The following NALF1 variants were observed in gnomAD, a reference collection of about 807,000 sequenced individuals.
The protein encoded by NALF1 is family with sequence similarity 155 member A.
Under a neutral mutation model 48.4 loss-of-function variants are expected in NALF1, and 3 were observed. The observed-to-expected ratio is 0.06, with a 90% CI of 0.03 to 0.16. The LOEUF (loss-of-function observed/expected upper bound fraction) is 0.16, where lower values mean the gene tolerates loss of function less well. Among genes scored for constraint, NALF1 ranks in the 10% least tolerant of loss-of-function variants. The pLI is 1.00. For missense variants in NALF1, 526 were observed against 571.5 expected (o/e 0.92, Z 0.81); for synonymous variants, 262 against 245.7 (o/e 1.07, Z -0.62).
chr13:107,591,559 C>A (rs973126678), intron 1 of NALF1, among the ~76,000 whole-genome samples: 2 of 151,882 alleles, frequency 1.3e-5, no homozygotes, highest in Admixed American at 1.3e-4. Flanking sequence ...GTTGACTTTG[C>A]CTCCAACTGA....
At chr13:107,582,086 T>G (rs764733950) in intron 1 of NALF1, among the ~76,000 whole-genome samples, 1 of 152,116 alleles carries the variant, frequency 6.6e-6, no homozygotes, top group African/African-American at 2.4e-5. Context: ...TCTCTGGATA[T>G]GAAACACATT....
intron 1 of NALF1, among the ~76,000 whole-genome samples, chr13:107,643,724 G>C (rs1283280500): frequency 6.6e-6 from 1 of 152,076 alleles, no homozygotes; most frequent in Non-Finnish European, 1.5e-5. Flanking sequence ...TTTCAATTTT[G>C]AAAGTGGAGA....
chr13:107,556,661 G>A lies in NALF1; in HGVS notation c.915+309021C>T, dbSNP rs566514157. On this transcript the variant is annotated intron_variant, in intron 1 of 2. Transcript: ENST00000375915. ...CATGCACTGCCCTGCCCAGCTTTTTGTATTTATTAGAGACGGGGTTCACCA... is the reference window on the plus strand; with the variant it reads ...CATGCACTGCCCTGCCCAGCTTTTTATATTTATTAGAGACGGGGTTCACCA... Among the ~76,000 whole-genome samples the A allele has an allele frequency of 1.4e-3, 125 of 89,606 alleles. 1 individual carries two copies. The highest frequency in any genetic ancestry group is 4.3e-3 in the African/African-American group (122 of 28,254). The allele number at this position is 89,606 out of a possible 152,430, so 58.8% of individuals were successfully genotyped here.
intron 1 of NALF1, among the ~76,000 whole-genome samples, chr13:107,214,214 G>A (rs987538040): frequency 1.3e-5 from 2 of 152,206 alleles, no homozygotes; most frequent in African/African-American, 4.8e-5. Context: ...TTTGCAGGAA[G>A]GGGTTGAAAA....
chr13:107,329,192 A>G (rs1377098938), intron 1 of NALF1, among the ~76,000 whole-genome samples: 1 of 152,240 alleles, frequency 6.6e-6, no homozygotes, highest in Non-Finnish European at 1.5e-5. Flanking sequence ...TAAACATAAA[A>G]TTTTTAGGAA....
intron 1 of NALF1, among the ~76,000 whole-genome samples, chr13:107,231,231 A>T (rs1203859313): frequency 1.3e-5 from 2 of 152,194 alleles, no homozygotes; most frequent in Non-Finnish European, 2.9e-5. Flanking sequence ...TGGAGTAAAG[A>T]TGGGAATAGA....
rs1883531545 is a variant in NALF1, at chr13:107,386,406, A to C, written c.916-175651T>G. Among the ~76,000 whole-genome samples the C allele has an allele frequency of 1.3e-5, 2 of 152,140 alleles. 1 individual carries two copies. The highest frequency in any genetic ancestry group is 4.1e-4 in the South Asian group (2 of 4,830). The stretch of plus-strand genomic sequence containing the variant: ...AACATGCAATTTGATGTCTCTGGAA[A>C]CTTGGCTTTTACACAACTGTTTCCA... On this transcript the variant is annotated intron_variant, in intron 1 of 2. Coordinates refer to ENST00000375915, the MANE Select transcript of NALF1 (RefSeq NM_001080396.3).
intron 1 of NALF1, among the ~76,000 whole-genome samples, chr13:107,746,518 A>T (rs1327653684): frequency 6.6e-6 from 1 of 152,180 alleles, no homozygotes; most frequent in Non-Finnish European, 1.5e-5. Context: ...CATTTTTGAG[A>T]TCAATTGTCC....
At chr13:107,744,279 T>A (rs553272192) in intron 1 of NALF1, among the ~76,000 whole-genome samples, 3 of 152,312 alleles carry the variant, frequency 2.0e-5, no homozygotes, top group African/African-American at 7.2e-5. Flanking sequence ...CACAGGCTTG[T>A]GATGCTTCAA....
chr13:107,828,931 C>A (rs1879617686), intron 1 of NALF1, among the ~76,000 whole-genome samples: 1 of 152,130 alleles, frequency 6.6e-6, no homozygotes, highest in Non-Finnish European at 1.5e-5. Context: ...TGGACAAGGA[C>A]ATTTCTCTTT....
intron 1 of NALF1, among the ~76,000 whole-genome samples, chr13:107,720,985 T>C (rs944372030): frequency 6.6e-5 from 10 of 152,160 alleles, no homozygotes; most frequent in African/African-American, 2.4e-4. Context: ...TTTGTATCCA[T>C]ATGGATGTCA....
intron 2 of NALF1, among the ~76,000 whole-genome samples, chr13:107,189,565 T>G (rs1438681986): frequency 6.6e-6 from 1 of 152,156 alleles, no homozygotes; most frequent in Non-Finnish European, 1.5e-5. Context: ...GCACCAACCA[T>G]CCAAGCAAAG....
chr13:107,860,491 C>T (rs1189370509), intron 1 of NALF1, among the ~76,000 whole-genome samples: 1 of 152,130 alleles, frequency 6.6e-6, no homozygotes, highest in Non-Finnish European at 1.5e-5. Flanking sequence ...ATGACACCGG[C>T]AGGACGATAA....
chr13:107,403,848 T>C (rs1309888558), intron 1 of NALF1, among the ~76,000 whole-genome samples: 1 of 152,004 alleles, frequency 6.6e-6, no homozygotes, highest in Non-Finnish European at 1.5e-5. Context: ...TCTCACAGTA[T>C]TGAAAAAGTG....
intron 1 of NALF1, among the ~76,000 whole-genome samples, chr13:107,387,942 C>T (rs756433436): frequency 3.3e-5 from 5 of 152,178 alleles, no homozygotes; most frequent in Non-Finnish European, 7.3e-5. Flanking sequence ...TCTTCATTCT[C>T]ACTCATTAAA....
chr13:107,795,957 T>A (rs1353767587), intron 1 of NALF1, among the ~76,000 whole-genome samples: 1 of 152,154 alleles, frequency 6.6e-6, no homozygotes, highest in Non-Finnish European at 1.5e-5. Flanking sequence ...AAAAATCACC[T>A]ATCACAGCAG....
At chr13:107,229,131 T>C (rs532263092) in intron 1 of NALF1, among the ~76,000 whole-genome samples, 2 of 152,284 alleles carry the variant, frequency 1.3e-5, no homozygotes, top group African/African-American at 4.8e-5. Flanking sequence ...GAACTAGCAG[T>C]ATCTCAGATA....
At chr13:107,326,479 T>G (rs1479623372) in intron 1 of NALF1, among the ~76,000 whole-genome samples, 1 of 152,186 alleles carries the variant, frequency 6.6e-6, no homozygotes, top group Non-Finnish European at 1.5e-5. Context: ...TAATTAATTC[T>G]TAGACCAATT....
At position 107,819,683 on chromosome 13, in the gene NALF1, T is replaced by TTCTCTCTCTCTCTCTC. The variant is rs35254661; in HGVS notation, c.915+45983_915+45998dup. Among the ~76,000 whole-genome samples, 364 of 136,432 alleles carry TTCTCTCTCTCTCTCTC rather than the reference T, an allele frequency of 2.7e-3. 3 individuals are homozygous for TTCTCTCTCTCTCTCTC. The highest frequency in any genetic ancestry group is 0.012 in the East Asian group (53 of 4,414). The allele number at this position is 136,432 out of a possible 152,430, so 89.5% of individuals were successfully genotyped here. A position where few individuals can be genotyped will look rare whatever the true frequency, so the allele number is the denominator to read the frequency against. ...TGAATCTGCTGTCTCCAGCTGGAAA[T>TTCTCTCTCTCTCTCTC]TCTCTCTCTCTCTCTCTCTCTCTCT... On this transcript the variant is annotated intron_variant, in intron 1 of 2. Coordinates refer to ENST00000375915, the MANE Select transcript of NALF1 (RefSeq NM_001080396.3).
Sources: gnomAD v4.1 joint callset for allele counts (sites outside exome capture counted in the v4.1 genomes callset) on GRCh38, gnomAD v4.1.1 for gene constraint, MANE v1.5 for transcripts, NCBI Gene and HGNC (gene_info 2026-07-23, HGNC 2026-07-21) for gene names.